Variants in FLVCR1 observed in about 807,000 individuals in gnomAD.
The protein encoded by FLVCR1 is choline/ethanolamine transporter FLVCR1.
FLVCR1 carries 34 observed loss-of-function variants against 53.6 expected under a neutral mutation model. The ratio of observed to expected loss-of-function variants is 0.63; its 90% CI spans 0.48 to 0.84. FLVCR1 has a LOEUF of 0.84. FLVCR1 is among the 40% of genes least tolerant of loss of function. The pLI is 0.00. For synonymous variants in FLVCR1, 300 were observed against 286.3 expected (o/e 1.05, Z -0.48); for missense variants, 677 against 696.7 (o/e 0.97, Z 0.32).
chr1:212,859,272 G>C, intron 1 of FLVCR1, 82 bp downstream of exon 1: 2 of 1,585,086 alleles, frequency 1.3e-6, no homozygotes, highest in South Asian at 2.2e-5. Context: ...TGGCCTGTAT[G>C]GATGAACTGC....
chr1:212,887,331 G>A (rs901007038), intron 5 of FLVCR1, among the ~76,000 whole-genome samples: 1 of 152,180 alleles, frequency 6.6e-6, no homozygotes, highest in African/African-American at 2.4e-5. Flanking sequence ...CCTTCTCAGG[G>A]TAACTGCCAT....
Position 212,858,302 on chromosome 1 carries a change from C to G in FLVCR1, c.-151C>G. The G allele has an allele frequency of 4.0e-6, 3 of 753,716 alleles. No homozygotes were observed. Among genetic ancestry groups the G allele is most frequent in the Admixed American group, 3.3e-5 (1 of 30,758 alleles). The allele number at this position is 753,716 out of a possible 1,614,324, so 46.7% of individuals were successfully genotyped here. A position where few individuals can be genotyped will look rare whatever the true frequency, so the allele number is the denominator to read the frequency against. Reference sequence around the variant, plus strand: ...ACCTTCATCTGTTCACGCGGTAGCGCGGATTGCGGTTCGCGGCGCGCGCCA... The same window carrying G: ...ACCTTCATCTGTTCACGCGGTAGCGGGGATTGCGGTTCGCGGCGCGCGCCA... On this transcript the variant is annotated 5_prime_UTR_variant, in exon 1 of 10. Coordinates refer to ENST00000366971, the MANE Select transcript of FLVCR1 (RefSeq NM_014053.4).
intron 6 of FLVCR1, 80 bp downstream of exon 6, chr1:212,888,081 T>C: frequency 1.2e-6 from 1 of 865,502 alleles, no homozygotes. Flanking sequence ...CTTTAATTTT[T>C]TCAGTTCATC....
At position 212,896,213 on chromosome 1, in the gene FLVCR1, T is replaced by C. The variant is rs886045935; in HGVS notation, c.*923T>C. On this transcript the variant is annotated 3_prime_UTR_variant, in exon 10 of 10. Coordinates refer to ENST00000366971, the MANE Select transcript of FLVCR1 (RefSeq NM_014053.4). The stretch of plus-strand genomic sequence containing the variant: ...TTACTGGCTATTTCATGATTTCATG[T>C]ATCACATCGTATATTTTGCCTTGAA... 2.6e-5 allele frequency: 4 copies of C among 152,132 alleles called. No individual in the cohort carries two copies. Among genetic ancestry groups the C allele is most frequent in the Non-Finnish European group, 5.9e-5 (4 of 68,022 alleles). The allele number at this position is 152,132 out of a possible 1,614,324, so 9.4% of individuals were successfully genotyped here. A position where few individuals can be genotyped will look rare whatever the true frequency, so the allele number is the denominator to read the frequency against.
intron 2 of FLVCR1, among the ~76,000 whole-genome samples, chr1:212,871,528 C>T (rs1038255728): frequency 6.6e-5 from 10 of 152,092 alleles, no homozygotes; most frequent in African/African-American, 1.7e-4. Flanking sequence ...GCGATCCTCT[C>T]GCTTCAGCCT....
chr1:212,891,109 T>C (rs1167140422), intron 8 of FLVCR1, among the ~76,000 whole-genome samples: 2 of 152,158 alleles, frequency 1.3e-5, no homozygotes, highest in Non-Finnish European at 2.9e-5. Flanking sequence ...CTATATCTTA[T>C]CTAAGATTAT....
At chr1:212,881,301 C>CTTTTTTTT (rs35751115) in intron 3 of FLVCR1, among the ~76,000 whole-genome samples, 2 of 119,680 alleles carry the variant, frequency 1.7e-5, no homozygotes, top group Non-Finnish European at 3.3e-5. Flanking sequence ...ATTTCTTTGT[C>CTTTTTTTT]TTTTTTTTTT....
chr1:212,876,268 T>C (rs1275913503), intron 3 of FLVCR1, among the ~76,000 whole-genome samples: 2 of 152,154 alleles, frequency 1.3e-5, no homozygotes, highest in Admixed American at 6.6e-5. Context: ...CTCCCACTTA[T>C]AAGTGAGAAC....
Position 212,895,249 on chromosome 1 carries a change from A to G in FLVCR1, c.1627A>G (p.Lys543Glu), listed in dbSNP as rs1448467874. 5 of 1,613,580 alleles carry G rather than the reference A, an allele frequency of 3.1e-6. 1 individual carries two copies. In the South Asian group the frequency reaches 5.5e-5, roughly 18 times the overall value. Residue 543 changes from lysine (K) to glutamate (E), a missense_variant, in exon 10 of 10, where the codon AAA becomes GAA. Physicochemically the swap from Lys to Glu is moderately conservative, Grantham distance 56. Coordinates refer to ENST00000366971, the MANE Select transcript of FLVCR1 (RefSeq NM_014053.4). ...PADSPTDQEP[K>E]TVMLSKQSES... ...TGACAGTCCCACAGACCAAGAACCA[A>G]AAACGGTTATGTTGTCCAAGCAGTC...
rs187003080 is a variant in FLVCR1 at position 212,889,268 on chromosome 1, G to A, written c.1525+11G>A. On this transcript the variant is annotated intron_variant, in intron 8 of 9. Coordinates refer to ENST00000366971, the MANE Select transcript of FLVCR1 (RefSeq NM_014053.4). ...GCATCATATTAACAGGTAAATTAGG[G>A]CGTTTGCCTGGCAAAAGGACTTGTG... The A allele has an allele frequency of 5.2e-6, 8 of 1,530,290 alleles. No homozygotes were observed. The East Asian group carries it at 1.8e-4, about 34-fold the overall frequency. The allele number at this position is 1,530,290 out of a possible 1,614,324, so 94.8% of individuals were successfully genotyped here. A position where few individuals can be genotyped will look rare whatever the true frequency, so the allele number is the denominator to read the frequency against.
rs190499318 is a variant in FLVCR1 at position 212,898,386 on chromosome 1, C to T, written c.*3096C>T. On this transcript the variant is annotated 3_prime_UTR_variant, in exon 10 of 10. Coordinates refer to ENST00000366971, the MANE Select transcript of FLVCR1 (RefSeq NM_014053.4). ...TTGATATTTACATTACAGGTAAAAACGGCCAAAAATATATTTTAAGGTCTC... is the reference window on the plus strand; with the variant it reads ...TTGATATTTACATTACAGGTAAAAATGGCCAAAAATATATTTTAAGGTCTC... The T allele has an allele frequency of 2.0e-5, 3 of 151,238 alleles. No homozygotes were observed. The highest frequency in any genetic ancestry group is 1.9e-4 in the East Asian group (1 of 5,140). The allele number at this position is 151,238 out of a possible 1,614,324, so 9.4% of individuals were successfully genotyped here.
chr1:212,870,108 T>G (rs1031558311), intron 2 of FLVCR1: 2 of 152,150 alleles, frequency 1.3e-5, no homozygotes, highest in African/African-American at 4.8e-5. Context: ...CAAGATCAGA[T>G]AGAATGAAAG....
intron 8 of FLVCR1, among the ~76,000 whole-genome samples, chr1:212,892,524 G>A (rs1361436235): frequency 1.3e-5 from 2 of 152,200 alleles, no homozygotes; most frequent in East Asian, 3.8e-4. Context: ...TAAACCCATT[G>A]TTGAAGCCTG....
At position 212,897,523 on chromosome 1, in the gene FLVCR1, G is replaced by C. The variant is rs1053850547; in HGVS notation, c.*2233G>C. 12 of 152,054 alleles carry C rather than the reference G, an allele frequency of 7.9e-5. No individual in the cohort carries two copies. Among genetic ancestry groups the C allele is most frequent in the African/African-American group, 2.9e-4 (12 of 41,382 alleles). The allele number at this position is 152,054 out of a possible 1,614,324, so 9.4% of individuals were successfully genotyped here. On this transcript the variant is annotated 3_prime_UTR_variant, in exon 10 of 10. Transcript: ENST00000366971. ...GGTGACAGAGCGAGACTCTGTTTCA[G>C]GAAAAAAAGAACAGAAATACCTGAG...
intron 3 of FLVCR1, among the ~76,000 whole-genome samples, chr1:212,882,821 C>T (rs1205572058): frequency 6.6e-6 from 1 of 151,938 alleles, no homozygotes; most frequent in African/African-American, 2.4e-5. Context: ...ATTGCTTGAA[C>T]CCAGGAGACG....
intron 9 of FLVCR1, 27 bp downstream of exon 9, chr1:212,895,080 G>C (rs1665298671): frequency 2.8e-6 from 4 of 1,412,266 alleles, no homozygotes; most frequent in Non-Finnish European, 4.0e-6. Flanking sequence ...TGATTATACT[G>C]TTGAGAAGTA....
chr1:212,888,137 A>G, intron 6 of FLVCR1, 136 bp downstream of exon 6: 1 of 643,056 alleles, frequency 1.6e-6, no homozygotes, highest in Non-Finnish European at 2.7e-6. Flanking sequence ...CATTCTATGC[A>G]TATAAACATG....
intron 2 of FLVCR1, among the ~76,000 whole-genome samples, chr1:212,868,368 C>T (rs1664502482): frequency 6.6e-6 from 1 of 152,120 alleles, no homozygotes; most frequent in Non-Finnish European, 1.5e-5. Flanking sequence ...AGCCACCATG[C>T]CCAGCTGCTT....
chr1:212,871,736 G>A (rs1664602743), intron 2 of FLVCR1, among the ~76,000 whole-genome samples: 2 of 152,160 alleles, frequency 1.3e-5, no homozygotes, highest in African/African-American at 4.8e-5. Context: ...TCTCTCTCTA[G>A]TCATCTTTTA....
Sources: allele counts gnomAD v4.1 joint callset (sites outside exome capture counted in the v4.1 genomes callset), GRCh38; gene constraint gnomAD v4.1.1; transcripts MANE v1.5; gene names NCBI Gene and HGNC (gene_info 2026-07-23, HGNC 2026-07-21).